PRKCE: variants seen among roughly 807,000 people sequenced by gnomAD.
The protein encoded by PRKCE is protein kinase C epsilon type.
A neutral mutation model predicts 85.4 loss-of-function variants in PRKCE; 16 were observed. The observed-to-expected ratio is 0.19, with a 90% CI of 0.13 to 0.28. PRKCE has a LOEUF of 0.28. Ranked by LOEUF, PRKCE falls within the 10% of genes least tolerant of loss-of-function variation. The probability of loss-of-function intolerance (pLI) is 1.00; values close to 1 mark genes in which losing one functional copy is unlikely to be tolerated. For missense variants in PRKCE, 573 were observed against 975.2 expected (o/e 0.59, Z 5.49); for synonymous variants, 388 against 371.5 (o/e 1.04, Z -0.51).
At chr2:46,128,350 T>G (rs1292670732) in intron 11 of PRKCE, among the ~76,000 whole-genome samples, 1 of 152,246 alleles carries the variant, frequency 6.6e-6, no homozygotes, top group Non-Finnish European at 1.5e-5. Flanking sequence ...GAAGAGCAAT[T>G]GGAGCTAACA....
chr2:45,833,934 C>G (rs1573539871), intron 1 of PRKCE, among the ~76,000 whole-genome samples: 1 of 152,326 alleles, frequency 6.6e-6, no homozygotes, highest in South Asian at 2.1e-4. Context: ...GTGCTGTGAG[C>G]AGATGATGCT....
chr2:46,152,636 C>A (rs960814434), intron 13 of PRKCE, among the ~76,000 whole-genome samples: 1 of 151,934 alleles, frequency 6.6e-6, no homozygotes. Flanking sequence ...GCAACCTCTG[C>A]CTCTCGGGTT....
intron 2 of PRKCE, among the ~76,000 whole-genome samples, chr2:45,950,642 C>G (rs1700556321): frequency 6.6e-6 from 1 of 152,032 alleles, no homozygotes; most frequent in South Asian, 2.1e-4. Flanking sequence ...ATGCCCAGGC[C>G]AAGTGTCTAA....
chr2:45,812,519 G>T (rs567323219), intron 1 of PRKCE, among the ~76,000 whole-genome samples: 2 of 152,314 alleles, frequency 1.3e-5, no homozygotes, highest in East Asian at 1.9e-4. Context: ...TACATTCTGT[G>T]TGCCCTTGGG....
intron 1 of PRKCE, among the ~76,000 whole-genome samples, chr2:45,744,871 A>G (rs1239639232): frequency 1.3e-5 from 2 of 152,202 alleles, no homozygotes. Flanking sequence ...GGCCTCCCAA[A>G]GTGCTGGGAT....
At chr2:46,007,136 G>A (rs544961257) in intron 8 of PRKCE, among the ~76,000 whole-genome samples, 51 of 152,312 alleles carry the variant, frequency 3.3e-4, no homozygotes, top group South Asian at 6.2e-4. Flanking sequence ...AGATTTGTGT[G>A]CTTTACCTAG....
At chr2:46,051,295 G>A (rs986599694) in intron 10 of PRKCE, among the ~76,000 whole-genome samples, 1 of 152,158 alleles carries the variant, frequency 6.6e-6, no homozygotes, top group Non-Finnish European at 1.5e-5. Flanking sequence ...GTGGTTTCTG[G>A]TGGCAAGAAG....
intron 1 of PRKCE, among the ~76,000 whole-genome samples, chr2:45,793,324 T>C (rs933746335): frequency 2.0e-5 from 3 of 152,218 alleles, no homozygotes; most frequent in Non-Finnish European, 4.4e-5. Context: ...TCGCTTGTTC[T>C]CTTTCTTCTT....
At chr2:45,909,614 G>A (rs899866413) in intron 2 of PRKCE, among the ~76,000 whole-genome samples, 2 of 152,182 alleles carry the variant, frequency 1.3e-5, no homozygotes, top group Admixed American at 6.5e-5. Flanking sequence ...AAACCTTAGG[G>A]AACAAGCTAG....
chr2:45,730,368 G>C (rs1273678543), intron 1 of PRKCE, among the ~76,000 whole-genome samples: 1 of 151,812 alleles, frequency 6.6e-6, no homozygotes, highest in Non-Finnish European at 1.5e-5. Context: ...GTGTTGCCCA[G>C]GCTGGTCTCA....
At chr2:46,102,495 A>G (rs932683484) in intron 11 of PRKCE, among the ~76,000 whole-genome samples, 2 of 152,204 alleles carry the variant, frequency 1.3e-5, no homozygotes, top group Admixed American at 6.5e-5. Context: ...CTATTAATGA[A>G]CTAATACTGA....
At chr2:46,083,684 T>A (rs927649343) in intron 10 of PRKCE, among the ~76,000 whole-genome samples, 1 of 152,172 alleles carries the variant, frequency 6.6e-6, no homozygotes, top group Non-Finnish European at 1.5e-5. Flanking sequence ...GCCCGGAAAC[T>A]TGTTAGAGGA....
At chr2:45,911,346 A>C (rs1697368804) in intron 2 of PRKCE, among the ~76,000 whole-genome samples, 1 of 152,212 alleles carries the variant, frequency 6.6e-6, no homozygotes, top group South Asian at 2.1e-4. Flanking sequence ...GCTAGACAGC[A>C]TGTGCACTGC....
chr2:45,922,327 GC>G (rs1698308797), intron 2 of PRKCE, among the ~76,000 whole-genome samples: 1 of 152,064 alleles, frequency 6.6e-6, no homozygotes, highest in Non-Finnish European at 1.5e-5. Context: ...TGGACTAGAG[GC>G]CCCAAAACTC....
chr2:45,865,432 T>C (rs2105697952), intron 2 of PRKCE, among the ~76,000 whole-genome samples: 1 of 152,288 alleles, frequency 6.6e-6, no homozygotes, highest in Middle Eastern at 3.4e-3. Context: ...ATATCTCTCT[T>C]AAGGTTGTGT....
intron 7 of PRKCE, among the ~76,000 whole-genome samples, chr2:46,003,066 A>C (rs1704836856): frequency 6.6e-6 from 1 of 152,176 alleles, no homozygotes; most frequent in Non-Finnish European, 1.5e-5. Context: ...GGCAGGGTGG[A>C]AGGCTGAGGG....
rs1235376782 is a variant in PRKCE, at chr2:46,004,453, C to T, written c.967-89C>T. The T allele has an allele frequency of 1.1e-5, 12 of 1,081,388 alleles. No individual in the cohort carries two copies. In the East Asian group the frequency reaches 2.9e-4, roughly 26 times the overall value. The allele number at this position is 1,081,388 out of a possible 1,614,324, so 67.0% of individuals were successfully genotyped here. On this transcript the variant is annotated intron_variant, in intron 7 of 14. Transcript: ENST00000306156. The surrounding 1 kb of genome is among the most constrained non-coding windows in gnomAD (Gnocchi z 4.1). ...CCTGCTGCTCTGGGAACTCTCATGGCTCTTATACGGCATCTTGATGCTTTT... is the reference window on the plus strand; with the variant it reads ...CCTGCTGCTCTGGGAACTCTCATGGTTCTTATACGGCATCTTGATGCTTTT...
intron 1 of PRKCE, among the ~76,000 whole-genome samples, chr2:45,801,341 T>C (rs1284383740): frequency 1.3e-5 from 2 of 151,952 alleles, no homozygotes; most frequent in East Asian, 3.9e-4. Context: ...CAGGGATGAA[T>C]GTGAAGGGGA....
chr2:45,779,503 TCC>T, intron 1 of PRKCE, among the ~76,000 whole-genome samples: 1 of 151,452 alleles, frequency 6.6e-6, no homozygotes. Flanking sequence ...GGTTGAGAGC[TCC>T]AGGGAGTCAC....
Sources: gnomAD v4.1 joint callset for allele counts (sites outside exome capture counted in the v4.1 genomes callset) on GRCh38, gnomAD v4.1.1 for gene constraint, Gnocchi (gnomAD v3.1) non-coding constraint, MANE v1.5 for transcripts, NCBI Gene and HGNC (gene_info 2026-07-23, HGNC 2026-07-21) for gene names.